Variants in FAM184B observed in about 807,000 individuals in gnomAD.
FAM184B encodes the protein family with sequence similarity 184 member B.
Under a neutral mutation model 135.9 loss-of-function variants are expected in FAM184B, and 111 were observed. That is an observed-to-expected ratio of 0.82 (90% CI 0.70 to 0.96). The LOEUF (loss-of-function observed/expected upper bound fraction) is 0.96, where lower values mean the gene tolerates loss of function less well. Ranked by LOEUF, FAM184B falls within the 40% of genes least tolerant of loss-of-function variation. FAM184B has a pLI of 0.00. For synonymous variants in FAM184B, 552 were observed against 524.8 expected (o/e 1.05, Z -0.71); for missense variants, 1,375 against 1,323.9 (o/e 1.04, Z -0.60).
intron 1 of FAM184B, among the ~76,000 whole-genome samples, chr4:17,766,196 T>C (rs1718683035): frequency 6.6e-6 from 1 of 152,226 alleles, no homozygotes; most frequent in Admixed American, 6.5e-5. Flanking sequence ...ATCCTGCTGA[T>C]TGGTCCATTT....
intron 5 of FAM184B, among the ~76,000 whole-genome samples, chr4:17,699,405 T>C (rs1195844999): frequency 6.6e-6 from 1 of 152,050 alleles, no homozygotes; most frequent in Non-Finnish European, 1.5e-5. Context: ...TGGCATATCA[T>C]AACCAAATTG....
At chr4:17,742,288 C>A (rs998018042) in intron 1 of FAM184B, among the ~76,000 whole-genome samples, 17 of 151,418 alleles carry the variant, frequency 1.1e-4, no homozygotes, top group African/African-American at 3.4e-4. Flanking sequence ...GGCAACACAG[C>A]AAGACCCCCA....
chr4:17,771,795 C>T (rs987568292), intron 1 of FAM184B, among the ~76,000 whole-genome samples: 1 of 152,200 alleles, frequency 6.6e-6, no homozygotes, highest in Non-Finnish European at 1.5e-5. Flanking sequence ...GGGCAGCAGT[C>T]CTTGACTCTC....
intron 1 of FAM184B, among the ~76,000 whole-genome samples, chr4:17,711,079 A>T (rs1370852479): frequency 1.3e-5 from 2 of 152,120 alleles, no homozygotes; most frequent in Admixed American, 1.3e-4. Flanking sequence ...GAAGCCAGGC[A>T]CAGTGGCTCA....
chr4:17,697,784 C>T (rs533757364), intron 5 of FAM184B, among the ~76,000 whole-genome samples: 2 of 152,270 alleles, frequency 1.3e-5, no homozygotes, highest in East Asian at 1.9e-4. Flanking sequence ...TCTAATTTTA[C>T]GTAGCTTAAC....
chr4:17,642,250 G>C (rs1715345704), intron 12 of FAM184B, 22 bp from the exon 13 acceptor site: 1 of 1,456,886 alleles, frequency 6.9e-7, no homozygotes, highest in African/African-American at 1.5e-5. Context: ...AACCAGGAGA[G>C]GTGTTTTCAG....
At chr4:17,722,110 C>T (rs551012301) in intron 1 of FAM184B, among the ~76,000 whole-genome samples, 3 of 152,116 alleles carry the variant, frequency 2.0e-5, no homozygotes, top group South Asian at 2.1e-4. Flanking sequence ...GAGGGGGAGA[C>T]GGAAGAGTCC....
intron 1 of FAM184B, among the ~76,000 whole-genome samples, chr4:17,723,878 T>C (rs1717584788): frequency 6.6e-6 from 1 of 152,198 alleles, no homozygotes; most frequent in East Asian, 1.9e-4. Context: ...TGCCACCACA[T>C]GACCTCTTTT....
rs749421403 is a variant in FAM184B at position 17,773,426 on chromosome 4, T to C, written c.141+7733A>G. 3.3e-5 allele frequency among the ~76,000 whole-genome samples: 5 copies of C among 152,362 alleles called. No individual in the cohort carries two copies. In the South Asian group the frequency reaches 8.3e-4, roughly 25 times the overall value. On this transcript the variant is annotated intron_variant, in intron 1 of 17. Transcript: ENST00000265018. ...ATGAGGTTATTCGACTCCTTATACT[T>C]GAGCTTGGCAGCTTCTGGCACTAAG... is the stretch of plus-strand genomic sequence containing the variant.
chr4:17,635,107 T>A lies in FAM184B; in HGVS notation c.2791A>T (p.Arg931Ter). The A allele has an allele frequency of 6.4e-7, 1 of 1,551,316 alleles. No individual in the cohort carries two copies. Among genetic ancestry groups the A allele is most frequent in the Non-Finnish European group, 8.7e-7 (1 of 1,146,686 alleles). The change falls in exon 16 of 18, where the codon AGA becomes TGA. Residue 931 changes from arginine (R) to a stop codon, truncating the protein, a stop_gained. Transcript: ENST00000265018. LOFTEE classifies it high-confidence loss of function. ...GGGAATGCTGCGTAGTGAAATCTTC[T>A]CTCTTCCTAGAAAACCAATACAACT... The part of the protein sequence containing the change: ...EDIIKQLTEE[R>*]RFHYAAFPSA...
chr4:17,686,728 G>C (rs540517223), intron 7 of FAM184B, among the ~76,000 whole-genome samples: 2 of 152,336 alleles, frequency 1.3e-5, no homozygotes, highest in South Asian at 4.1e-4. Flanking sequence ...GATCACCTGA[G>C]GTCAGGAGTT....
chr4:17,698,906 A>T (rs1560179463), intron 5 of FAM184B, among the ~76,000 whole-genome samples: 1 of 152,302 alleles, frequency 6.6e-6, no homozygotes, highest in East Asian at 1.9e-4. Context: ...TCAATAAAAA[A>T]TTACTAAATA....
At chr4:17,735,202 G>A (rs931726203) in intron 1 of FAM184B, among the ~76,000 whole-genome samples, 3 of 151,318 alleles carry the variant, frequency 2.0e-5, no homozygotes, top group Non-Finnish European at 2.9e-5. Context: ...GATGGGGGAG[G>A]GATAGCATTA....
At chr4:17,680,704 A>T (rs1282909784) in intron 7 of FAM184B, among the ~76,000 whole-genome samples, 1 of 152,178 alleles carries the variant, frequency 6.6e-6, no homozygotes, top group Non-Finnish European at 1.5e-5. Context: ...GGAAAAATAA[A>T]TAGATCTGCT....
intron 1 of FAM184B, among the ~76,000 whole-genome samples, chr4:17,772,160 G>C (rs956868503): frequency 1.3e-5 from 2 of 152,064 alleles, no homozygotes; most frequent in Non-Finnish European, 2.9e-5. Flanking sequence ...GTATAAAGAA[G>C]GGTGAAAAGT....
At chr4:17,641,877 G>C (rs977236026) in intron 13 of FAM184B, among the ~76,000 whole-genome samples, 179 bp downstream of exon 13, 18 of 151,900 alleles carry the variant, frequency 1.2e-4, no homozygotes, top group African/African-American at 4.1e-4. Context: ...CTTTTCATGG[G>C]TCAGAGGAGT....
rs766612325 is a variant in FAM184B at position 17,633,808 on chromosome 4, G to A, written c.2970C>T (p.Gly990=). The A allele has an allele frequency of 2.9e-4, 451 of 1,551,420 alleles. No homozygotes were observed. Among genetic ancestry groups the A allele is most frequent in the Non-Finnish European group, 3.6e-4 (416 of 1,146,954 alleles). Residue 990 remains glycine, a synonymous_variant, in exon 17 of 18, where the codon GGC becomes GGT. Transcript: ENST00000265018. ...GGGCATTAATCCTGGAACTCAGATC[G>A]CCACTCAGAAAGTTCTTTGCATAGG... ...LASYAKNFLS[G]DLSSRINAPP...
At chr4:17,760,793 T>C (rs537481009) in intron 1 of FAM184B, among the ~76,000 whole-genome samples, 1 of 152,328 alleles carries the variant, frequency 6.6e-6, no homozygotes, top group African/African-American at 2.4e-5. Context: ...GGGGGTTGCA[T>C]AATTGCATAA....
At chr4:17,705,648 C>A in intron 4 of FAM184B, 104 bp downstream of exon 4, 1 of 1,358,698 alleles carries the variant, frequency 7.4e-7, no homozygotes, top group South Asian at 1.4e-5. Flanking sequence ...CTTCTGATTC[C>A]AAGTGGATCC....
Sources: allele counts gnomAD v4.1 joint callset (sites outside exome capture counted in the v4.1 genomes callset), GRCh38; gene constraint gnomAD v4.1.1; transcripts MANE v1.5; gene names NCBI Gene and HGNC (gene_info 2026-07-23, HGNC 2026-07-21).